KCNT2: variants seen among roughly 807,000 people sequenced by gnomAD.
KCNT2 encodes potassium sodium-activated channel subfamily T member 2.
Under a neutral mutation model 153.8 loss-of-function variants are expected in KCNT2, and 67 were observed. That is an observed-to-expected ratio of 0.44 (90% CI 0.36 to 0.53). KCNT2 has a LOEUF of 0.53. Among genes scored for constraint, KCNT2 ranks in the 20% least tolerant of loss-of-function variants. The pLI, the probability that KCNT2 is intolerant of heterozygous loss-of-function variation, is 0.00. For synonymous variants in KCNT2, 500 were observed against 458.8 expected (o/e 1.09, Z -1.15); for missense variants, 975 against 1,354.8 (o/e 0.72, Z 4.40).
intron 19 of KCNT2, among the ~76,000 whole-genome samples, chr1:196,326,372 T>C (rs139530622): frequency 6.6e-6 from 1 of 152,162 alleles, no homozygotes; most frequent in East Asian, 1.9e-4. Flanking sequence ...AAAAAAATTG[T>C]CCAGTTTTGG....
At chr1:196,557,590 A>C (rs1282328326) in intron 1 of KCNT2, among the ~76,000 whole-genome samples, 1 of 151,214 alleles carries the variant, frequency 6.6e-6, no homozygotes, top group East Asian at 1.9e-4. Flanking sequence ...GTGGGCTGAC[A>C]ATAGAATAAT....
At chr1:196,578,233 C>T (rs1312348430) in intron 1 of KCNT2, among the ~76,000 whole-genome samples, 2 of 32,348 alleles carry the variant, frequency 6.2e-5, no homozygotes, top group African/African-American at 1.0e-4. Context: ...TCTTACCACA[C>T]TCCATAGTTA....
intron 8 of KCNT2, among the ~76,000 whole-genome samples, chr1:196,453,239 C>G (rs1676374945): frequency 6.6e-6 from 1 of 151,700 alleles, no homozygotes; most frequent in African/African-American, 2.4e-5. Context: ...TTCTTAGGAT[C>G]TGACTCCAAT....
At chr1:196,232,762 A>C (rs2102223225) in intron 27 of KCNT2, among the ~76,000 whole-genome samples, 1 of 151,610 alleles carries the variant, frequency 6.6e-6, no homozygotes, top group South Asian at 2.1e-4. Context: ...TGAAATCAAG[A>C]ACATAAATAT....
chr1:196,548,038 G>A (rs1657355450), intron 1 of KCNT2, among the ~76,000 whole-genome samples: 1 of 151,594 alleles, frequency 6.6e-6, no homozygotes, highest in Non-Finnish European at 1.5e-5. Context: ...GAAATTTTAT[G>A]GTGCTACTCA....
chr1:196,565,405 A>T (rs2148934848), intron 1 of KCNT2, among the ~76,000 whole-genome samples: 1 of 151,854 alleles, frequency 6.6e-6, no homozygotes, highest in East Asian at 1.9e-4. Context: ...AAATAAAAAA[A>T]TAGAACTGCC....
intron 14 of KCNT2, among the ~76,000 whole-genome samples, chr1:196,371,430 T>C (rs976820893): frequency 1.3e-5 from 2 of 151,938 alleles, no homozygotes; most frequent in African/African-American, 2.4e-5. Context: ...ATGGTGATGG[T>C]TGGATAATTC....
At chr1:196,411,461 A>AG (rs1038265538) in intron 12 of KCNT2, among the ~76,000 whole-genome samples, 12 of 150,060 alleles carry the variant, frequency 8.0e-5, no homozygotes, top group African/African-American at 2.9e-4. Flanking sequence ...AAAAAAAAAA[A>AG]AAAAAAAACG....
At chr1:196,582,577 T>C (rs1396119915) in intron 1 of KCNT2, 1 of 154,238 alleles carries the variant, frequency 6.5e-6, no homozygotes, top group African/African-American at 2.4e-5. Flanking sequence ...GCAAGTTTTG[T>C]AGCTGCCTTA....
chr1:196,393,449 C>A (rs1572285101), intron 13 of KCNT2, among the ~76,000 whole-genome samples: 1 of 151,704 alleles, frequency 6.6e-6, no homozygotes, highest in East Asian at 1.9e-4. Flanking sequence ...CCTCATCTGA[C>A]TAGGAGACAA....
At chr1:196,421,415 G>C in intron 12 of KCNT2, among the ~76,000 whole-genome samples, 1 of 151,932 alleles carries the variant, frequency 6.6e-6, no homozygotes, top group East Asian at 1.9e-4. Flanking sequence ...ATTACCACTC[G>C]AGGGGGCACA....
chr1:196,517,856 T>C (rs1431478465), intron 1 of KCNT2, among the ~76,000 whole-genome samples: 6 of 152,266 alleles, frequency 3.9e-5, no homozygotes, highest in Admixed American at 6.5e-5. Flanking sequence ...CAGGATACTG[T>C]CCATGAAAAG....
intron 4 of KCNT2, 85 bp from the exon 5 acceptor site, chr1:196,479,323 A>T: frequency 2.6e-6 from 2 of 756,156 alleles, no homozygotes; most frequent in Non-Finnish European, 4.5e-6. Context: ...CTTTATTTAA[A>T]TATATGTGCA....
At chr1:196,336,390 G>A (rs1206206313) in intron 16 of KCNT2, among the ~76,000 whole-genome samples, 5 of 151,932 alleles carry the variant, frequency 3.3e-5, no homozygotes, top group Non-Finnish European at 7.4e-5. Flanking sequence ...AATTAGAATC[G>A]ATTAATCCAC....
intron 8 of KCNT2, among the ~76,000 whole-genome samples, chr1:196,464,366 G>A (rs1368337276): frequency 6.6e-6 from 1 of 151,834 alleles, no homozygotes; most frequent in Non-Finnish European, 1.5e-5. Context: ...AATGATAAAA[G>A]TATGCAATAA....
At chr1:196,354,047 T>A (rs1666974376) in intron 14 of KCNT2, among the ~76,000 whole-genome samples, 1 of 151,928 alleles carries the variant, frequency 6.6e-6, no homozygotes, top group East Asian at 1.9e-4. Flanking sequence ...CTTCCTACGT[T>A]TTTATGAACC....
intron 9 of KCNT2, 66 bp from the exon 10 acceptor site, chr1:196,428,335 A>G: frequency 1.8e-6 from 2 of 1,119,782 alleles, no homozygotes; most frequent in Non-Finnish European, 2.7e-6. Flanking sequence ...AATGCAATAC[A>G]TCTATTGTTT....
chr1:196,480,855 CAAAAAAAAAAAAAAAA>C (rs372270510), intron 4 of KCNT2, among the ~76,000 whole-genome samples: 5 of 26,902 alleles, frequency 1.9e-4, no homozygotes, highest in East Asian at 1.8e-3. Context: ...GACTTCGTCT[CAAAAAAAAAAAAAAAA>C]AAAAAAAAAA....
chr1:196,409,156 C>A (rs1467021857), intron 12 of KCNT2, among the ~76,000 whole-genome samples: 5 of 149,516 alleles, frequency 3.3e-5, no homozygotes, highest in Admixed American at 6.7e-5. Flanking sequence ...GTCCATGATT[C>A]TTTGCTTCAT....
Sources: gnomAD v4.1 joint callset for allele counts (sites outside exome capture counted in the v4.1 genomes callset) on GRCh38, gnomAD v4.1.1 for gene constraint, MANE v1.5 for transcripts, NCBI Gene and HGNC (gene_info 2026-07-23, HGNC 2026-07-21) for gene names.